Variants in KCNU1 observed in about 807,000 individuals in gnomAD.
The protein encoded by KCNU1 is potassium calcium-activated channel subfamily U member 1, also known as potassium channel subfamily U member 1.
A neutral mutation model predicts 126.8 loss-of-function variants in KCNU1; 93 were observed. The ratio of observed to expected loss-of-function variants is 0.73; its 90% CI spans 0.62 to 0.87. KCNU1 has a LOEUF of 0.87. Among genes scored for constraint, KCNU1 ranks in the 40% least tolerant of loss-of-function variants. The pLI is 0.00. For synonymous variants in KCNU1, 523 were observed against 494.2 expected (o/e 1.06, Z -0.77); for missense variants, 1,330 against 1,367.1 (o/e 0.97, Z 0.43).
chr8:36,896,997 G>A (rs2117470550), intron 19 of KCNU1, among the ~76,000 whole-genome samples: 1 of 152,156 alleles, frequency 6.6e-6, no homozygotes, highest in Admixed American at 6.5e-5. Flanking sequence ...GATCAGTAAA[G>A]AGAGATGCAT....
At chr8:36,812,837 A>G (rs1275454691) in intron 7 of KCNU1, among the ~76,000 whole-genome samples, 1 of 152,196 alleles carries the variant, frequency 6.6e-6, no homozygotes, top group African/African-American at 2.4e-5. Context: ...ACACCAAATT[A>G]TTACTCATAA....
chr8:36,930,390 C>G (rs1808662145), intron 24 of KCNU1, among the ~76,000 whole-genome samples: 1 of 151,990 alleles, frequency 6.6e-6, no homozygotes, highest in African/African-American at 2.4e-5. Context: ...TATTAAACAC[C>G]TATAATTTCT....
chr8:36,797,358 T>C (rs1470218872), intron 2 of KCNU1, among the ~76,000 whole-genome samples: 1 of 152,186 alleles, frequency 6.6e-6, no homozygotes, highest in Admixed American at 6.5e-5. Context: ...GTGGATAATT[T>C]AATTTTAATA....
chr8:36,909,206 G>A, intron 20 of KCNU1, 105 bp from the exon 21 acceptor site: 1 of 729,912 alleles, frequency 1.4e-6, no homozygotes, highest in Non-Finnish European at 2.4e-6. Flanking sequence ...TGAAAGTAGA[G>A]CTGTGGATGT....
chr8:36,908,471 A>G (rs1425652717), intron 20 of KCNU1, among the ~76,000 whole-genome samples: 2 of 151,148 alleles, frequency 1.3e-5, no homozygotes, highest in African/African-American at 2.4e-5. Context: ...TGCTGCACCC[A>G]TTAACTTGTC....
intron 19 of KCNU1, among the ~76,000 whole-genome samples, chr8:36,870,336 A>G (rs1806056780): frequency 6.6e-6 from 1 of 151,824 alleles, no homozygotes; most frequent in Admixed American, 6.6e-5. Flanking sequence ...CTCACGCATG[A>G]CTCCTGAGAC....
intron 7 of KCNU1, among the ~76,000 whole-genome samples, chr8:36,812,154 C>T (rs573662943): frequency 2.8e-4 from 43 of 151,538 alleles, no homozygotes; most frequent in African/African-American, 8.7e-4. Flanking sequence ...CAAGGAGGGG[C>T]GGATCTCCCG....
intron 2 of KCNU1, among the ~76,000 whole-genome samples, chr8:36,793,246 C>T (rs1256092574): frequency 6.6e-6 from 1 of 151,640 alleles, no homozygotes; most frequent in South Asian, 2.1e-4. Flanking sequence ...GGAGATATAC[C>T]TAATGTAAAT....
chr8:36,789,601 T>C (rs1802832355), intron 2 of KCNU1, among the ~76,000 whole-genome samples: 1 of 152,150 alleles, frequency 6.6e-6, no homozygotes, highest in South Asian at 2.1e-4. Context: ...ACTTAAATTC[T>C]AGTGGGGGTA....
At position 36,840,979 on chromosome 8, in the gene KCNU1, A is replaced by T. The variant is rs1563288597; in HGVS notation, c.1679A>T (p.Lys560Met). Residue 560 changes from lysine to methionine, a missense_variant, in exon 16 of 27, where the codon AAG becomes ATG. Physicochemically the swap from Lys to Met is moderately conservative, Grantham distance 95. Transcript: ENST00000399881. Reference protein sequence around the residue: ...MHLLLIAIEYKSLFTDGFCGL... With the variant: ...MHLLLIAIEYMSLFTDGFCGL... ...CTCCTGTTGATAGCCATCGAATACAAGTCCCTCTTTACGGATGGTTTCTGG... is the reference window on the plus strand; with the variant it reads ...CTCCTGTTGATAGCCATCGAATACATGTCCCTCTTTACGGATGGTTTCTGG... 1 of 1,610,420 alleles carries T rather than the reference A, an allele frequency of 6.2e-7. No homozygotes were observed.
intron 22 of KCNU1, among the ~76,000 whole-genome samples, chr8:36,914,339 G>T (rs1808012931): frequency 6.6e-6 from 1 of 152,168 alleles, no homozygotes; most frequent in South Asian, 2.1e-4. Flanking sequence ...ACCACTGTGG[G>T]AATGCTATCA....
chr8:36,920,023 C>A (rs1349903662), intron 23 of KCNU1, among the ~76,000 whole-genome samples: 2 of 152,298 alleles, frequency 1.3e-5, no homozygotes, highest in African/African-American at 4.8e-5. Context: ...AGATCCTAGA[C>A]CCCTGGATCC....
chr8:36,863,702 A>C (rs1031498954), intron 18 of KCNU1, among the ~76,000 whole-genome samples: 7 of 152,258 alleles, frequency 4.6e-5, no homozygotes, highest in South Asian at 4.1e-4. Flanking sequence ...GTATATCAAC[A>C]TATGGGTTCA....
chr8:36,901,282 C>G (rs939924037), intron 19 of KCNU1, among the ~76,000 whole-genome samples: 3 of 152,088 alleles, frequency 2.0e-5, no homozygotes, highest in African/African-American at 7.2e-5. Flanking sequence ...TAGAAGTTTT[C>G]TTACATGGTT....
chr8:36,885,276 C>G (rs552333149), intron 19 of KCNU1, among the ~76,000 whole-genome samples: 1 of 152,102 alleles, frequency 6.6e-6, no homozygotes, highest in Admixed American at 6.6e-5. Flanking sequence ...AACCAGTGGC[C>G]GGATACGATG....
chr8:36,817,124 T>C (rs1803942834), intron 9 of KCNU1, among the ~76,000 whole-genome samples: 1 of 152,194 alleles, frequency 6.6e-6, no homozygotes, highest in Non-Finnish European at 1.5e-5. Flanking sequence ...CATATTCTAC[T>C]TGAGATGAGA....
chr8:36,791,106 T>G (rs1802886885), intron 2 of KCNU1, among the ~76,000 whole-genome samples: 1 of 152,096 alleles, frequency 6.6e-6, no homozygotes, highest in Non-Finnish European at 1.5e-5. Context: ...GCATGTCCTC[T>G]AGAGGTCTTC....
intron 19 of KCNU1, among the ~76,000 whole-genome samples, chr8:36,875,445 G>GAT (rs909382047): frequency 1.3e-5 from 2 of 148,972 alleles, no homozygotes; most frequent in South Asian, 4.2e-4. Flanking sequence ...ACATTACAGA[G>GAT]ATATATATAC....
rs147578381 is a variant in KCNU1 at position 36,893,070 on chromosome 8, T to C, written c.2010-12638T>C. Among the ~76,000 whole-genome samples the C allele has an allele frequency of 9.5e-3, 1,442 of 152,246 alleles. 16 individuals are homozygous for C. Among genetic ancestry groups the C allele is most frequent in the African/African-American group, 0.032 (1,329 of 41,544 alleles). On this transcript the variant is annotated intron_variant, in intron 19 of 26. Coordinates refer to ENST00000399881, the MANE Select transcript of KCNU1 (RefSeq NM_001031836.3). ...TCTGCCTCCTGGGATCAAGCAATTCTCCTGACTCAGCCTCTCAAGTAGCTG... is the reference window on the plus strand; with the variant it reads ...TCTGCCTCCTGGGATCAAGCAATTCCCCTGACTCAGCCTCTCAAGTAGCTG...
Sources: gnomAD v4.1 joint callset for allele counts (sites outside exome capture counted in the v4.1 genomes callset) on GRCh38, gnomAD v4.1.1 for gene constraint, MANE v1.5 for transcripts, NCBI Gene and HGNC (gene_info 2026-07-23, HGNC 2026-07-21) for gene names.